RGSL1: variants seen among roughly 807,000 people sequenced by gnomAD.
RGSL1 encodes the protein regulator of G protein signaling like 1.
Under a neutral mutation model 124.7 loss-of-function variants are expected in RGSL1, and 97 were observed. The ratio of observed to expected loss-of-function variants is 0.78; its 90% CI spans 0.66 to 0.92. The LOEUF is 0.92. Among genes scored for constraint, RGSL1 ranks in the 40% least tolerant of loss-of-function variants. The pLI, the probability that RGSL1 is intolerant of heterozygous loss-of-function variation, is 0.00. For synonymous variants in RGSL1, 424 were observed against 438.1 expected (o/e 0.97, Z 0.40); for missense variants, 1,233 against 1,288.4 (o/e 0.96, Z 0.66).
intron 9 of RGSL1, among the ~76,000 whole-genome samples, chr1:182,504,802 G>A (rs894167447): frequency 3.6e-4 from 55 of 152,164 alleles, no homozygotes; most frequent in African/African-American, 1.3e-3. Flanking sequence ...ATAAATTACC[G>A]GTCTTTGTAG....
At chr1:182,501,312 T>TC (rs1558319322) in intron 9 of RGSL1, among the ~76,000 whole-genome samples, 14 of 10,220 alleles carry the variant, frequency 1.4e-3, no homozygotes, top group African/African-American at 1.7e-3. Context: ...CTTTTCTTTT[T>TC]TTTTTTTTTT....
At chr1:182,494,537 GC>G (rs1379860815) in intron 9 of RGSL1, among the ~76,000 whole-genome samples, 1 of 151,984 alleles carries the variant, frequency 6.6e-6, no homozygotes, top group Non-Finnish European at 1.5e-5. Flanking sequence ...TATATACGTG[GC>G]TCACATTATA....
intron 9 of RGSL1, among the ~76,000 whole-genome samples, chr1:182,498,795 TG>T (rs1194523875): frequency 1.7e-4 from 7 of 42,348 alleles, no homozygotes; most frequent in South Asian, 5.1e-4. Flanking sequence ...TTCCTTTGTT[TG>T]TTTGTTTTTT....
intron 4 of RGSL1, among the ~76,000 whole-genome samples, chr1:182,468,074 T>A (rs1258323039): frequency 5.9e-5 from 9 of 152,122 alleles, no homozygotes; most frequent in African/African-American, 2.2e-4. Context: ...TGAGATAACA[T>A]CTTACACTAG....
In RGSL1 at chr1:182,539,241, T is replaced by C. The variant is rs1289024308; in HGVS notation, c.2495-1006T>C. On this transcript the variant is annotated intron_variant, in intron 14 of 21. Coordinates refer to ENST00000294854, the MANE Select transcript of RGSL1 (RefSeq NM_001137669.2). ...TATCACCCTCTTTTCCCAGAATCCCTAACCATCATATCAATTTCCACTGTT... is the reference window on the plus strand; with the variant it reads ...TATCACCCTCTTTTCCCAGAATCCCCAACCATCATATCAATTTCCACTGTT... Among the ~76,000 whole-genome samples the C allele has an allele frequency of 3.3e-5, 5 of 152,174 alleles. No individual in the cohort carries two copies. The South Asian group carries it at 1.0e-3, about 32-fold the overall frequency.
chr1:182,523,396 C>G (rs1398747868), intron 10 of RGSL1, among the ~76,000 whole-genome samples: 1 of 152,044 alleles, frequency 6.6e-6, no homozygotes, highest in Admixed American at 6.6e-5. Flanking sequence ...TCTCTTCTAA[C>G]CACTCTAGAT....
chr1:182,466,705 T>C (rs1277649989), intron 4 of RGSL1, among the ~76,000 whole-genome samples: 1 of 152,192 alleles, frequency 6.6e-6, no homozygotes, highest in Non-Finnish European at 1.5e-5. Flanking sequence ...CTCTGATGTT[T>C]ATTTATGGAC....
At chr1:182,535,768 T>G (rs190621039) in intron 14 of RGSL1, among the ~76,000 whole-genome samples, 251 of 152,310 alleles carry the variant, frequency 1.6e-3, no homozygotes, top group Non-Finnish European at 2.1e-3. Context: ...TTCCCGTTTA[T>G]TTTTAAATTA....
At chr1:182,515,386 G>A (rs1320692681) in intron 9 of RGSL1, among the ~76,000 whole-genome samples, 5 of 151,604 alleles carry the variant, frequency 3.3e-5, no homozygotes, top group African/African-American at 1.2e-4. Context: ...ATCGAGTTTG[G>A]GACAAAAAAA....
rs1424348695 is a variant in RGSL1 at position 182,532,667 on chromosome 1, A to ATCTT, written c.2370_2371insTCTT (p.Gly791SerfsTer24). 6.4e-7 allele frequency: 1 copy of ATCTT among 1,550,662 alleles called. No homozygotes were observed. The highest frequency in any genetic ancestry group is 2.0e-5 in the Admixed American group (1 of 50,966). ...ACTCCTCTTTCTTTCCCCAGAAGAA[A>ATCTT]GGCTGGATGAGAATGATCAGCTTTA... is the stretch of plus-strand genomic sequence containing the variant. On this transcript the variant is annotated frameshift_variant, in exon 14 of 22. Transcript: ENST00000294854. LOFTEE classifies it high-confidence loss of function.
chr1:182,553,850 C>T (rs10489967), intron 19 of RGSL1, among the ~76,000 whole-genome samples: 6,748 of 152,188 alleles, frequency 0.044, 489 homozygotes, highest in African/African-American at 0.15. Flanking sequence ...CATTTCCAGG[C>T]ATGACGTATG....
At chr1:182,505,280 T>C (rs760398926) in intron 9 of RGSL1, among the ~76,000 whole-genome samples, 29 of 152,186 alleles carry the variant, frequency 1.9e-4, no homozygotes, top group Non-Finnish European at 2.9e-4. Flanking sequence ...ACAACCACAA[T>C]TTTTTGAAAA....
At chr1:182,476,245 C>A (rs1369835293) in intron 6 of RGSL1, among the ~76,000 whole-genome samples, 1 of 152,174 alleles carries the variant, frequency 6.6e-6, no homozygotes, top group Non-Finnish European at 1.5e-5. Flanking sequence ...GAGATTCAGA[C>A]TGGGACTGTG....
chr1:182,461,155 G>C (rs1652801055), intron 4 of RGSL1, among the ~76,000 whole-genome samples: 1 of 151,360 alleles, frequency 6.6e-6, no homozygotes, highest in South Asian at 2.1e-4. Flanking sequence ...TTCTTTTTGG[G>C]AGGCAGATCT....
intron 9 of RGSL1, among the ~76,000 whole-genome samples, chr1:182,504,968 G>T (rs184766942): frequency 6.6e-5 from 10 of 152,200 alleles, no homozygotes; most frequent in Non-Finnish European, 8.8e-5. Flanking sequence ...CATACATCCA[G>T]TTCTAGGTAT....
At chr1:182,491,646 A>T (rs769589259) in intron 8 of RGSL1, among the ~76,000 whole-genome samples, 1 of 152,126 alleles carries the variant, frequency 6.6e-6, no homozygotes, top group South Asian at 2.1e-4. Flanking sequence ...CACTGCTCTT[A>T]ACACTTTTGG....
At chr1:182,519,790 C>T (rs902503378) in intron 9 of RGSL1, among the ~76,000 whole-genome samples, 5 of 152,030 alleles carry the variant, frequency 3.3e-5, no homozygotes, top group African/African-American at 1.2e-4. Flanking sequence ...ATGTCCTTTG[C>T]ATCTAACTCC....
intron 21 of RGSL1, among the ~76,000 whole-genome samples, chr1:182,559,323 C>G (rs752647993): frequency 6.6e-6 from 1 of 152,180 alleles, no homozygotes; most frequent in Non-Finnish European, 1.5e-5. Flanking sequence ...CCAATCAACC[C>G]CATCTTCCAA....
chr1:182,448,444 T>TA (rs1480492616), upstream of RGSL1: 7 of 152,090 alleles, frequency 4.6e-5, no homozygotes, highest in Non-Finnish European at 7.4e-5. Context: ...GTCTGGTCTC[T>TA]AACTCCTGTC....
Sources: allele counts gnomAD v4.1 joint callset (sites outside exome capture counted in the v4.1 genomes callset), GRCh38; gene constraint gnomAD v4.1.1; transcripts MANE v1.5; gene names NCBI Gene and HGNC (gene_info 2026-07-23, HGNC 2026-07-21).